SLCO3A1: variants seen among roughly 807,000 people sequenced by gnomAD.
SLCO3A1 encodes PGE1 transporter.
In SLCO3A1, 27 loss-of-function variants were observed where a neutral mutation model predicts 63.1. The observed-to-expected ratio is 0.43, with a 90% CI of 0.32 to 0.59. The LOEUF (loss-of-function observed/expected upper bound fraction) is 0.59. SLCO3A1 is among the 20% of genes least tolerant of loss of function. The pLI, the probability that SLCO3A1 is intolerant of heterozygous loss-of-function variation, is 0.09. For synonymous variants in SLCO3A1, 473 were observed against 409.9 expected (o/e 1.15, Z -1.86); for missense variants, 773 against 945.8 (o/e 0.82, Z 2.40).
Position 92,033,751 on chromosome 15 carries a change from G to A in SLCO3A1, c.647-61130G>A, listed in dbSNP as rs534014616. On this transcript the variant is annotated intron_variant, in intron 2 of 9. Transcript: ENST00000318445. This position sits in a 1 kb window ranked among gnomAD's most constrained non-coding sequence, Gnocchi z 4.5. Reference sequence around the variant, plus strand: ...AAAGACGGGGATAGGAGTGTTGGGAGTCGTACAGTTTTAGTGTCAGAGGGG... The same window carrying A: ...AAAGACGGGGATAGGAGTGTTGGGAATCGTACAGTTTTAGTGTCAGAGGGG... Among the ~76,000 whole-genome samples the A allele has an allele frequency of 6.6e-6, 1 of 152,178 alleles. No homozygotes were observed. The highest frequency in any genetic ancestry group is 1.5e-5 in the Non-Finnish European group (1 of 68,036).
intron 2 of SLCO3A1, among the ~76,000 whole-genome samples, chr15:92,046,110 A>T (rs4340310): frequency 6.6e-6 from 1 of 152,098 alleles, no homozygotes; most frequent in African/African-American, 2.4e-5. Flanking sequence ...AATCGGAGCT[A>T]GAAGGGATTT....
At chr15:92,149,658 G>C (rs942842047) in intron 8 of SLCO3A1, 3 of 152,196 alleles carry the variant, frequency 2.0e-5, no homozygotes, top group East Asian at 3.9e-4. Flanking sequence ...TTCACACGGA[G>C]CCCTCCCCGT....
intron 2 of SLCO3A1, among the ~76,000 whole-genome samples, chr15:92,093,043 C>T (rs975859126): frequency 3.9e-5 from 6 of 152,174 alleles, no homozygotes; most frequent in Admixed American, 3.9e-4. Flanking sequence ...TTTCTTCATT[C>T]TTTCCTTCAT....
chr15:92,039,678 C>A (rs2046772964), intron 2 of SLCO3A1, among the ~76,000 whole-genome samples: 1 of 152,052 alleles, frequency 6.6e-6, no homozygotes, highest in Admixed American at 6.6e-5. Flanking sequence ...GGTTCTAGAA[C>A]CAGAAATACC....
intron 7 of SLCO3A1, among the ~76,000 whole-genome samples, chr15:92,143,963 G>A (rs1045680517): frequency 6.6e-6 from 1 of 152,196 alleles, no homozygotes. Flanking sequence ...GCAGCAGCCA[G>A]GTCACCAGAG....
rs1899905036 is a variant in SLCO3A1, at chr15:91,948,968, G to A, written c.646+32510G>A. On this transcript the variant is annotated intron_variant, in intron 2 of 9. Coordinates refer to ENST00000318445, the MANE Select transcript of SLCO3A1 (RefSeq NM_013272.4). The surrounding 1 kb of genome is among the most constrained non-coding windows in gnomAD (Gnocchi z 4.8). ...ATTATTTCTGCTTACCTCACCTTTT[G>A]GGGGAATCATTCCCTCCATTTTTAT... 1.3e-5 allele frequency among the ~76,000 whole-genome samples: 2 copies of A among 151,598 alleles called. No individual in the cohort carries two copies. Among genetic ancestry groups the A allele is most frequent in the South Asian group, 2.1e-4 (1 of 4,774 alleles).
intron 2 of SLCO3A1, among the ~76,000 whole-genome samples, chr15:91,924,233 C>T (rs1270955714): frequency 6.6e-6 from 1 of 152,118 alleles, no homozygotes; most frequent in African/African-American, 2.4e-5. Flanking sequence ...GGGAGCTGGT[C>T]CTTGCCTCGT....
chr15:91,885,958 G>T lies in SLCO3A1; in HGVS notation c.181-30035G>T, dbSNP rs905506665. Among the ~76,000 whole-genome samples, 1 of 152,192 alleles carries T rather than the reference G, an allele frequency of 6.6e-6. No homozygotes were observed. Among genetic ancestry groups the T allele is most frequent in the Non-Finnish European group, 1.5e-5 (1 of 68,030 alleles). ...GTGGTCGGGGAGTGGAAAGACCAGT[G>T]TGTCTCTAGCAGAGAGGGTGAGAGG... On this transcript the variant is annotated intron_variant, in intron 1 of 9. Coordinates refer to ENST00000318445, the MANE Select transcript of SLCO3A1 (RefSeq NM_013272.4). This position sits in a 1 kb window ranked among gnomAD's most constrained non-coding sequence, Gnocchi z 4.7.
intron 2 of SLCO3A1, among the ~76,000 whole-genome samples, chr15:91,957,580 C>G (rs1297297008): frequency 6.6e-6 from 1 of 152,056 alleles, no homozygotes; most frequent in Non-Finnish European, 1.5e-5. Context: ...TTTTGCTGTT[C>G]CCTCTACCTG....
chr15:91,966,004 C>G (rs75041659), intron 2 of SLCO3A1, among the ~76,000 whole-genome samples: 122 of 152,270 alleles, frequency 8.0e-4, no homozygotes, highest in African/African-American at 2.6e-3. Flanking sequence ...TTGTTAAGAA[C>G]TGGTGTATTT....
chr15:92,099,449 CAAA>C (rs3030620), intron 3 of SLCO3A1, among the ~76,000 whole-genome samples: 7 of 149,702 alleles, frequency 4.7e-5, no homozygotes, highest in Non-Finnish European at 7.4e-5. Context: ...AAATGAACTA[CAAA>C]AAAAAAAAAG....
chr15:92,048,623 C>A (rs2046919062), intron 2 of SLCO3A1, among the ~76,000 whole-genome samples: 1 of 152,134 alleles, frequency 6.6e-6, no homozygotes, highest in African/African-American at 2.4e-5. Flanking sequence ...GGGGAGGTAA[C>A]CCGTCCTCTC....
chr15:92,128,377 C>A lies in SLCO3A1; in HGVS notation c.1400C>A (p.Pro467His), dbSNP rs1488515388. 6.2e-7 allele frequency: 1 copy of A among 1,614,056 alleles called. No individual in the cohort carries two copies. Among genetic ancestry groups the A allele is most frequent in the African/African-American group, 1.3e-5 (1 of 74,932 alleles). The change falls in exon 7 of 10, where the codon CCC becomes CAC. Residue 467 changes from proline (P) to histidine (H), a missense_variant. Coordinates refer to ENST00000318445, the MANE Select transcript of SLCO3A1 (RefSeq NM_013272.4). ...NSTAPGSALD[P>H]YSPCNNNCEC... ...ACAGCACCTGGCTCAGCCCTGGACCCCTACTCGCCCTGCAATAATAACTGT... is the reference window on the plus strand; with the variant it reads ...ACAGCACCTGGCTCAGCCCTGGACCACTACTCGCCCTGCAATAATAACTGT...
chr15:92,144,828 T>A (rs1292799026), intron 7 of SLCO3A1, among the ~76,000 whole-genome samples: 1 of 152,174 alleles, frequency 6.6e-6, no homozygotes, highest in Non-Finnish European at 1.5e-5. Context: ...TGGAGGCAGT[T>A]TTGATGCCTC....
chr15:92,119,674 TA>T (rs1186259518), intron 4 of SLCO3A1, among the ~76,000 whole-genome samples: 3 of 151,994 alleles, frequency 2.0e-5, no homozygotes, highest in African/African-American at 4.8e-5. Flanking sequence ...GAGGAGGGGC[TA>T]GGGGGTGTGA....
intron 1 of SLCO3A1, among the ~76,000 whole-genome samples, chr15:91,904,543 C>G (rs572008636): frequency 2.0e-5 from 3 of 152,224 alleles, no homozygotes; most frequent in Non-Finnish European, 4.4e-5. Context: ...ATCAGTCACT[C>G]TGTATCTCAG....
rs114505280 is a variant in SLCO3A1 at position 92,095,017 on chromosome 15, A to T, written c.745+38A>T. The T allele has an allele frequency of 5.8e-4, 816 of 1,396,816 alleles. 7 individuals are homozygous for T. The African/African-American group carries it at 0.01, about 18-fold the overall frequency. The allele number at this position is 1,396,816 out of a possible 1,614,324, so 86.5% of individuals were successfully genotyped here. A position where few individuals can be genotyped will look rare whatever the true frequency, so the allele number is the denominator to read the frequency against. On this transcript the variant is annotated intron_variant, in intron 3 of 9. Coordinates refer to ENST00000318445, the MANE Select transcript of SLCO3A1 (RefSeq NM_013272.4). ...TCTCCATGTCTACCTTCCATCCGCAAGCGTTTCCTCCCTCATAAATGCGGC... is the reference window on the plus strand; with the variant it reads ...TCTCCATGTCTACCTTCCATCCGCATGCGTTTCCTCCCTCATAAATGCGGC...
chr15:92,123,415 AAAAT>A (rs551221177), intron 5 of SLCO3A1, among the ~76,000 whole-genome samples: 1 of 152,144 alleles, frequency 6.6e-6, no homozygotes, highest in East Asian at 1.9e-4. Flanking sequence ...CTCGAAAAAT[AAAAT>A]AAATAAATAA....
At chr15:92,047,491 ATAAAT>A (rs1487146831) in intron 2 of SLCO3A1, among the ~76,000 whole-genome samples, 1 of 19,082 alleles carries the variant, frequency 5.2e-5, no homozygotes, top group African/African-American at 1.9e-4. Context: ...AAATATATAT[ATAAAT>A]ATATATAAAT....
Sources: allele counts gnomAD v4.1 joint callset (sites outside exome capture counted in the v4.1 genomes callset), GRCh38; gene constraint gnomAD v4.1.1; non-coding constraint Gnocchi (gnomAD v3.1); transcripts MANE v1.5; gene names NCBI Gene and HGNC (gene_info 2026-07-23, HGNC 2026-07-21).